RBMX2: variants seen among roughly 807,000 people sequenced by gnomAD.
The protein encoded by RBMX2 is RNA-binding motif protein, X-linked 2.
For missense variants in RBMX2, 191 were observed against 256.0 expected, an observed-to-expected ratio of 0.75 and a Z score of 1.73; for synonymous variants, 77 against 94.3, an observed-to-expected ratio of 0.82 and a Z score of 1.07.
intron 2 of RBMX2, 27 bp downstream of exon 2, chrX:130,402,397 T>C (rs768217682): frequency 2.5e-6 from 3 of 1,197,775 alleles, no homozygotes; most frequent in Non-Finnish European, 3.4e-6. Flanking sequence ...TCTTCCTCAG[T>C]GCTCTCCAGA....
Position 130,412,604 on chromosome X carries a change from T to C in RBMX2, c.725T>C (p.Leu242Pro), listed in dbSNP as rs779043191. 11 of 1,205,289 alleles carry C rather than the reference T, an allele frequency of 9.1e-6. No individual in the cohort carries two copies. The highest frequency in any genetic ancestry group is 1.8e-5 in the South Asian group (1 of 56,494). Residue 242 changes from leucine to proline, a missense_variant, in exon 6 of 6, where the codon CTG (leucine) becomes CCG (proline). Physicochemically the swap from Leu to Pro is moderately conservative, Grantham distance 98 (BLOSUM62 -3). Coordinates refer to ENST00000305536, the MANE Select transcript of RBMX2 (RefSeq NM_016024.4). ...SGGAEDLERELKKEKPKHEHK... is the reference protein window; with the variant it reads ...SGGAEDLEREPKKEKPKHEHK... Reference sequence around the variant, plus strand: ...GGAGCAGAGGACCTAGAGAGGGAGCTGAAGAAGGAGAAACCCAAGCACGAG... The same window carrying C: ...GGAGCAGAGGACCTAGAGAGGGAGCCGAAGAAGGAGAAACCCAAGCACGAG...
chrX:130,411,543 A>C lies in RBMX2; in HGVS notation c.481+18A>C. On this transcript the variant is annotated intron_variant, in intron 5 of 5. Coordinates refer to ENST00000305536, the MANE Select transcript of RBMX2 (RefSeq NM_016024.4). ...CAAAAAAGGTAAAGCATTAAGACTT[A>C]AGAGAAGATTCTGGGTGGTCTTAAT... The C allele has an allele frequency of 3.5e-6, 4 of 1,153,191 alleles. No individual in the cohort carries two copies. The highest frequency in any genetic ancestry group is 4.6e-6 in the Non-Finnish European group (4 of 864,089).
rs2034523021 is a variant in RBMX2 at position 130,412,983 on chromosome X, T to C, written c.*135T>C. 25 of 633,070 alleles carry C rather than the reference T, an allele frequency of 3.9e-5. No homozygotes were observed. The South Asian group carries it at 6.5e-4, about 17-fold the overall frequency. The allele number at this position is 633,070 out of a possible 1,213,427, so 52.2% of individuals were successfully genotyped here. On this transcript the variant is annotated 3_prime_UTR_variant, in exon 6 of 6. Transcript: ENST00000305536. Reference sequence around the variant, plus strand: ...TTAATCCCTTGACTATTTAGAGTCATTGGGAGGGCTGCAGTTTCAACAGCT... The same window carrying C: ...TTAATCCCTTGACTATTTAGAGTCACTGGGAGGGCTGCAGTTTCAACAGCT...
intron 4 of RBMX2, among the ~76,000 whole-genome samples, chrX:130,410,501 C>T (rs1216648956): frequency 9.0e-6 from 1 of 110,800 alleles, no homozygotes; most frequent in African/African-American, 3.3e-5. Context: ...ATTCTCCTGT[C>T]TCAGCCTCCT....
rs1033399069 is a variant in RBMX2, at chrX:130,412,220, C to T, written c.482-141C>T. ...GGATTACAGGCGTGAGCCACCGCAC[C>T]CGGCTGTGAATGTTTTTGAACTGTA... On this transcript the variant is annotated intron_variant, in intron 5 of 5. Transcript: ENST00000305536. 1.1e-5 allele frequency: 9 copies of T among 824,707 alleles called. No individual in the cohort carries two copies. In the South Asian group the frequency reaches 2.0e-4, roughly 19 times the overall value. The allele number at this position is 824,707 out of a possible 1,213,427, so 68.0% of individuals were successfully genotyped here.
In RBMX2 at chrX:130,413,066, G is replaced by C; in HGVS notation, c.*218G>C. 1 of 331,666 alleles carries C rather than the reference G, an allele frequency of 3.0e-6. No homozygotes were observed. Among genetic ancestry groups the C allele is most frequent in the South Asian group, 6.2e-5 (1 of 16,084 alleles). 27.3% of individuals were successfully genotyped at this position (331,666 alleles called of 1,213,427 possible). On this transcript the variant is annotated 3_prime_UTR_variant, in exon 6 of 6. Coordinates refer to ENST00000305536, the MANE Select transcript of RBMX2 (RefSeq NM_016024.4). ...GTCCCTGTACCAGAGTATGTATCCT[G>C]AACTTTGGTTCATAAATATGGCTCT...
chrX:130,411,312 G>T, intron 4 of RBMX2, 36 bp from the exon 5 acceptor site: 1 of 1,120,706 alleles, frequency 8.9e-7, no homozygotes, highest in Non-Finnish European at 1.2e-6. Context: ...TTGGTATGAG[G>T]GCTGTCTTCA....
chrX:130,402,129 G>A (rs1603270885), intron 1 of RBMX2, 92 bp downstream of exon 1: 1 of 1,165,145 alleles, frequency 8.6e-7, no homozygotes, highest in East Asian at 3.1e-5. Flanking sequence ...CGGGGCCGAG[G>A]GGCGGGAGCG....
At chrX:130,412,215 C>T (rs756197174) in intron 5 of RBMX2, 146 bp from the exon 6 acceptor site, 29 of 786,916 alleles carry the variant, frequency 3.7e-5, no homozygotes, top group East Asian at 7.7e-5. Context: ...CGTGAGCCAC[C>T]GCACCCGGCT....
intron 3 of RBMX2, 53 bp downstream of exon 3, chrX:130,403,906 G>A (rs1195756927): frequency 1.8e-6 from 2 of 1,137,459 alleles, no homozygotes; most frequent in African/African-American, 1.8e-5. Context: ...CTTTGTTTCT[G>A]TAATACATTT....
chrX:130,407,831 A>AT (rs984160640), intron 3 of RBMX2, among the ~76,000 whole-genome samples: 15 of 109,236 alleles, frequency 1.4e-4, no homozygotes, highest in African/African-American at 4.7e-4. Flanking sequence ...ATTAAAAAAA[A>AT]TTTTTTTTGT....
intron 3 of RBMX2, among the ~76,000 whole-genome samples, chrX:130,407,502 G>A (rs1051355145): frequency 1.8e-5 from 2 of 111,302 alleles, no homozygotes; most frequent in Admixed American, 1.9e-4. Context: ...TCATTAAGTA[G>A]GATGCTGGAT....
chrX:130,402,224 T>TACCC, intron 1 of RBMX2, 31 bp from the exon 2 acceptor site: 3 of 1,174,311 alleles, frequency 2.6e-6, no homozygotes, highest in Non-Finnish European at 3.4e-6. Flanking sequence ...CTTTTCTGCC[T>TACCC]ACCCTCCCCA....
chrX:130,404,781 G>A (rs1012332516), intron 3 of RBMX2, among the ~76,000 whole-genome samples: 4 of 112,544 alleles, frequency 3.6e-5, no homozygotes, highest in Non-Finnish European at 7.5e-5. Context: ...GGCAATACCC[G>A]TGAGAAGAAG....
At chrX:130,411,320 T>A (rs1420553296) in intron 4 of RBMX2, 28 bp from the exon 5 acceptor site, 3 of 1,143,039 alleles carry the variant, frequency 2.6e-6, no homozygotes, top group African/African-American at 1.8e-5. Context: ...AGGGCTGTCT[T>A]CACTGAAGCA....
At chrX:130,411,617 G>C in intron 5 of RBMX2, 92 bp downstream of exon 5, 1 of 866,095 alleles carries the variant, frequency 1.2e-6, no homozygotes, top group South Asian at 3.4e-5. Context: ...ACTCAAGTGT[G>C]AAAGGGGAAG....
chrX:130,410,092 C>T (rs745758050), intron 4 of RBMX2, among the ~76,000 whole-genome samples: 30 of 111,127 alleles, frequency 2.7e-4, no homozygotes, highest in Non-Finnish European at 5.1e-4. Flanking sequence ...CACTGATTCA[C>T]GAGTATGGAA....
Position 130,412,885 on chromosome X carries a change from GT to G in RBMX2, c.*43del. 1 of 1,147,713 alleles carries G rather than the reference GT, an allele frequency of 8.7e-7. No homozygotes were observed. The highest frequency in any genetic ancestry group is 2.1e-5 in the South Asian group (1 of 48,665). 94.6% of individuals were successfully genotyped at this position (1,147,713 alleles called of 1,213,427 possible). ...GCACAGTAGATTTGGAAATAATTAT[GT>G]TTTTTAAATGCAGTCAAATTCAGTT... On this transcript the variant is annotated 3_prime_UTR_variant, in exon 6 of 6. Transcript: ENST00000305536.
intron 1 of RBMX2, 26 bp from the exon 2 acceptor site, chrX:130,402,229 T>TA: frequency 5.5e-4 from 398 of 722,482 alleles, no homozygotes; most frequent in Non-Finnish European, 6.8e-4. Flanking sequence ...CTGCCTACCC[T>TA]CCCCACCCCC....
Sources: allele counts gnomAD v4.1 joint callset (sites outside exome capture counted in the v4.1 genomes callset), GRCh38; gene constraint gnomAD v4.1.1; transcripts MANE v1.5; gene names NCBI Gene and HGNC (gene_info 2026-07-23, HGNC 2026-07-21).